The following NAV3 variants were observed in gnomAD, a reference collection of about 807,000 sequenced individuals.
NAV3 encodes pore membrane and/or filament interacting like protein 1.
Under a neutral mutation model 244.7 loss-of-function variants are expected in NAV3, and 87 were observed. That is an observed-to-expected ratio of 0.36 (90% CI 0.30 to 0.42). The LOEUF (loss-of-function observed/expected upper bound fraction) is 0.42. Ranked by LOEUF, NAV3 falls within the 20% of genes least tolerant of loss-of-function variation. The pLI, the probability that NAV3 is intolerant of heterozygous loss-of-function variation, is 1.00. For synonymous variants in NAV3, 1,126 were observed against 1,042.2 expected (o/e 1.08, Z -1.55); for missense variants, 2,663 against 2,893.3 (o/e 0.92, Z 1.83).
intron 1 of NAV3, among the ~76,000 whole-genome samples, chr12:77,906,787 C>T (rs1362885731): frequency 6.6e-6 from 1 of 152,016 alleles, no homozygotes; most frequent in Non-Finnish European, 1.5e-5. Flanking sequence ...ATGTCTGGCA[C>T]ATAGTAAATC....
rs191310323 is a variant in NAV3 at position 77,911,509 on chromosome 12, G to T, written c.244-28810G>T. On this transcript the variant is annotated intron_variant, in intron 1 of 39. Transcript: ENST00000397909. ...TGGTTTATTGTCAATGCAAGAATCA[G>T]AATTGCATCCTATGTTGGACTTTTC... Among the ~76,000 whole-genome samples the T allele has an allele frequency of 3.8e-3, 575 of 152,168 alleles. 3 individuals carry two copies. The highest frequency in any genetic ancestry group is 0.031 in the Middle Eastern group (9 of 294).
intron 2 of NAV3, among the ~76,000 whole-genome samples, chr12:77,627,381 A>T (rs1050729225): frequency 6.6e-6 from 1 of 152,148 alleles, no homozygotes; most frequent in Non-Finnish European, 1.5e-5. Context: ...TACTAGCTAG[A>T]CTAACCATGA....
intron 3 of NAV3, among the ~76,000 whole-genome samples, chr12:77,950,064 T>A (rs1361427123): frequency 6.6e-6 from 1 of 152,154 alleles, no homozygotes; most frequent in East Asian, 1.9e-4. Flanking sequence ...ATTCAGCTAC[T>A]GATGAACATC....
At chr12:78,130,054 A>T (rs1322554302) in intron 18 of NAV3, among the ~76,000 whole-genome samples, 1 of 152,210 alleles carries the variant, frequency 6.6e-6, no homozygotes, top group East Asian at 1.9e-4. Flanking sequence ...TACATTTGTA[A>T]TGAGGCACAA....
rs2138679004 is a variant in NAV3 at position 78,121,960 on chromosome 12, G to A, written c.3770G>A (p.Gly1257Asp). The A allele has an allele frequency of 6.2e-7, 1 of 1,613,898 alleles. No homozygotes were observed. Among genetic ancestry groups the A allele is most frequent in the Non-Finnish European group, 8.5e-7 (1 of 1,179,814 alleles). ...TFRRLFGAKA[G>D]GKSASAPNTE... ...TTTAGGTTGTTTGGTGCCAAGGCAG[G>A]TGGCAAATCTGCCTCTGCACCTAAT... The change falls in exon 16 of 40, where the codon GGT (glycine) becomes GAT (aspartate). Residue 1257 changes from glycine (G) to aspartate (D), a missense_variant. Physicochemically the swap from Gly to Asp is moderately conservative, Grantham distance 94. This residue lies in a region of NAV3 where 354 missense variants were observed against 413.0 expected (regional missense o/e 0.86). Transcript: ENST00000397909.
intron 2 of NAV3, among the ~76,000 whole-genome samples, chr12:77,665,877 A>G (rs1818878715): frequency 6.6e-6 from 1 of 152,146 alleles, no homozygotes; most frequent in Non-Finnish European, 1.5e-5. Context: ...AAGAAATGTT[A>G]TTTTGGTAAT....
At position 78,170,366 on chromosome 12, in the gene NAV3, C is replaced by A. The variant is rs151116275; in HGVS notation, c.4981+1500C>A. Among the ~76,000 whole-genome samples, 184 of 151,780 alleles carry A rather than the reference C, an allele frequency of 1.2e-3. 4 individuals carry two copies. In the East Asian group the frequency reaches 0.032, roughly 27 times the overall value. ...TCCGTTGATCCCATTCCTTAAATAT[C>A]TCTTGGATCTGTTAACTTTTCTCTG... On this transcript the variant is annotated intron_variant, in intron 24 of 39. Coordinates refer to ENST00000397909, the MANE Select transcript of NAV3 (RefSeq NM_001024383.2).
chr12:78,036,395 G>T (rs1879887787), intron 9 of NAV3: 1 of 159,988 alleles, frequency 6.3e-6, no homozygotes, highest in African/African-American at 2.4e-5. Context: ...AAGGGTTACA[G>T]ACCTAGGTCA....
chr12:78,110,586 A>T (rs2138389934), intron 12 of NAV3, among the ~76,000 whole-genome samples: 1 of 152,112 alleles, frequency 6.6e-6, no homozygotes, highest in East Asian at 1.9e-4. Flanking sequence ...AAAAAAATGT[A>T]AAAAAAGAAC....
At chr12:78,097,823 T>C (rs917030526) in intron 12 of NAV3, among the ~76,000 whole-genome samples, 1 of 152,148 alleles carries the variant, frequency 6.6e-6, no homozygotes, top group Non-Finnish European at 1.5e-5. Flanking sequence ...AGCTTTTTTA[T>C]TTTTACATAA....
intron 2 of NAV3, among the ~76,000 whole-genome samples, chr12:77,609,171 G>A (rs542531847): frequency 6.6e-6 from 1 of 152,066 alleles, no homozygotes; most frequent in South Asian, 2.1e-4. Context: ...ACAATTCTAT[G>A]CATGGGTGTC....
chr12:77,639,151 T>C (rs899811847), intron 2 of NAV3, among the ~76,000 whole-genome samples: 1 of 152,186 alleles, frequency 6.6e-6, no homozygotes, highest in Admixed American at 6.5e-5. Flanking sequence ...CCATTTGGAT[T>C]TGGATTCCCA....
chr12:77,815,835 T>C (rs909852791), intron 2 of NAV3, among the ~76,000 whole-genome samples: 4 of 152,210 alleles, frequency 2.6e-5, no homozygotes, highest in Non-Finnish European at 5.9e-5. Context: ...AACTTTTAGA[T>C]ATACCAATAA....
chr12:77,681,758 A>G (rs903185735), intron 2 of NAV3, among the ~76,000 whole-genome samples: 1 of 152,182 alleles, frequency 6.6e-6, no homozygotes, highest in African/African-American at 2.4e-5. Context: ...CATGTAACTA[A>G]CATCAACCAG....
rs572248776 is a variant in NAV3 at position 77,846,047 on chromosome 12, G to A, written c.243+14343G>A. On this transcript the variant is annotated intron_variant, in intron 1 of 39. Transcript: ENST00000397909. ...GCACATAAAGATTACTGATCTCTGA[G>A]TCATATCTCCAATTCCGGATGAACG... Among the ~76,000 whole-genome samples the A allele has an allele frequency of 3.9e-5, 6 of 152,286 alleles. No homozygotes were observed. The South Asian group carries it at 1.0e-3, about 26-fold the overall frequency.
intron 2 of NAV3, among the ~76,000 whole-genome samples, chr12:77,812,501 A>G (rs1056131639): frequency 2.0e-5 from 3 of 151,224 alleles, no homozygotes; most frequent in African/African-American, 7.3e-5. Flanking sequence ...TGCAGCCTCC[A>G]CCTTCTGGGT....
In NAV3 at chr12:78,212,338, G is replaced by A. The variant is rs924494274; in HGVS notation, c.*1821G>A. On this transcript the variant is annotated 3_prime_UTR_variant, in exon 40 of 40. Coordinates refer to ENST00000397909, the MANE Select transcript of NAV3 (RefSeq NM_001024383.2). ...GTGTGTGAAAATGTGTTACTTTTAG[G>A]ACGTGTATTTGGTGCTACTCTCTGT... is the stretch of plus-strand genomic sequence containing the variant. The A allele has an allele frequency of 1.3e-5, 2 of 152,588 alleles. No homozygotes were observed. The highest frequency in any genetic ancestry group is 4.8e-5 in the African/African-American group (2 of 41,426). 9.5% of individuals were successfully genotyped at this position (152,588 alleles called of 1,614,324 possible).
chr12:77,859,966 T>G (rs1298664185), intron 1 of NAV3, among the ~76,000 whole-genome samples: 4 of 151,816 alleles, frequency 2.6e-5, no homozygotes, highest in Non-Finnish European at 5.9e-5. Context: ...TGCATCAACT[T>G]CTGGTAGTAA....
At chr12:77,801,770 T>C (rs1319437697) in intron 2 of NAV3, among the ~76,000 whole-genome samples, 1 of 152,154 alleles carries the variant, frequency 6.6e-6, no homozygotes, top group African/African-American at 2.4e-5. Flanking sequence ...AAAATTAAGA[T>C]CTATTCCTGA....
Sources: allele counts gnomAD v4.1 joint callset (sites outside exome capture counted in the v4.1 genomes callset), GRCh38; gene constraint gnomAD v4.1.1; regional missense constraint gnomAD v4.1.1; transcripts MANE v1.5; gene names NCBI Gene and HGNC (gene_info 2026-07-23, HGNC 2026-07-21).